Variants in F5 observed in about 807,000 individuals in gnomAD.
F5 encodes the protein activated protein c cofactor.
In F5, 138 loss-of-function variants were observed where a neutral mutation model predicts 216.4. That is an observed-to-expected ratio of 0.64 (90% CI 0.56 to 0.73). The LOEUF is 0.73. Ranked by LOEUF, F5 falls within the 30% of genes least tolerant of loss-of-function variation. The pLI is 0.00. For missense variants in F5, 2,403 were observed against 2,674.0 expected (o/e 0.90, Z 2.24); for synonymous variants, 916 against 930.7 (o/e 0.98, Z 0.29).
chr1:169,516,811 G>A (rs1659164739), intron 23 of F5, among the ~76,000 whole-genome samples: 1 of 152,146 alleles, frequency 6.6e-6, no homozygotes, highest in South Asian at 2.1e-4. Flanking sequence ...ATGGAAGGGG[G>A]TTAAGTAAAA....
chr1:169,536,889 T>A (rs890903774), intron 13 of F5, among the ~76,000 whole-genome samples: 1 of 152,088 alleles, frequency 6.6e-6, no homozygotes, highest in African/African-American at 2.4e-5. Context: ...TATAGGTAAG[T>A]CTTCCTATGA....
At chr1:169,553,285 T>G (rs751961119) in intron 7 of F5, among the ~76,000 whole-genome samples, 1 of 152,198 alleles carries the variant, frequency 6.6e-6, no homozygotes, top group Non-Finnish European at 1.5e-5. Context: ...ATAAATACTT[T>G]GGGAGCAGAA....
chr1:169,547,624 T>C (rs1328067213), intron 10 of F5, among the ~76,000 whole-genome samples: 1 of 151,662 alleles, frequency 6.6e-6, no homozygotes, highest in Non-Finnish European at 1.5e-5. Context: ...GAAATGCAAA[T>C]CAAAACCACA....
intron 3 of F5, among the ~76,000 whole-genome samples, chr1:169,570,487 G>A (rs1410675181): frequency 6.6e-6 from 1 of 152,112 alleles, no homozygotes; most frequent in Non-Finnish European, 1.5e-5. Flanking sequence ...AGAAACTCCT[G>A]TTCCCACTAC....
At chr1:169,553,812 G>C (rs542447686) in intron 7 of F5, among the ~76,000 whole-genome samples, 3 of 152,328 alleles carry the variant, frequency 2.0e-5, no homozygotes, top group South Asian at 4.1e-4. Flanking sequence ...ATGCTGGCAA[G>C]GTCATGGAGA....
In F5 at chr1:169,544,348, C is replaced by T. The variant is rs950728274; in HGVS notation, c.1923G>A (p.Leu641=). Residue 641 remains leucine (L), a synonymous_variant, in exon 12 of 25, where the codon TTG becomes TTA. Coordinates refer to ENST00000367797, the MANE Select transcript of F5 (RefSeq NM_000130.5). ...ATTCTCCACGCATGGGGAAGAGGGTCAAGGTGTCCTCATGCCTCTTTCCAT... is the reference window on the plus strand; with the variant it reads ...ATTCTCCACGCATGGGGAAGAGGGTTAAGGTGTCCTCATGCCTCTTTCCAT... ...FIYGKRHEDT[L]TLFPMRGESV... 6.2e-7 allele frequency: 1 copy of T among 1,614,112 alleles called. No individual in the cohort carries two copies. Among genetic ancestry groups the T allele is most frequent in the Non-Finnish European group, 8.5e-7 (1 of 1,179,996 alleles).
In F5 at chr1:169,540,817, C is replaced by A; in HGVS notation, c.4273G>T (p.Gly1425Cys). The change falls in exon 13 of 25, where the codon GGT becomes TGT. Residue 1425 changes from glycine (G) to cysteine (C), a missense_variant. This residue lies in a region of F5 where 293 missense variants were observed against 270.8 expected (regional missense o/e 1.08). Transcript: ENST00000367797. ...AGGTCTGGGGAAAGGGACATCTGACCAAAGTTTGGGGAAAGATCTGTCTCA... is the reference window on the plus strand; with the variant it reads ...AGGTCTGGGGAAAGGGACATCTGACAAAAGTTTGGGGAAAGATCTGTCTCA... ...LGETDLSPNFGQMSLSPDLSQ... is the reference protein window; with the variant it reads ...LGETDLSPNFCQMSLSPDLSQ... 1 of 1,612,086 alleles carries A rather than the reference C, an allele frequency of 6.2e-7. No homozygotes were observed. Among genetic ancestry groups the A allele is most frequent in the Non-Finnish European group, 8.5e-7 (1 of 1,179,282 alleles).
intron 5 of F5, among the ~76,000 whole-genome samples, chr1:169,557,371 C>A (rs1466720127): frequency 6.6e-6 from 1 of 152,056 alleles, no homozygotes; most frequent in Non-Finnish European, 1.5e-5. Context: ...CTGTAGTGGT[C>A]GAAGCTCTGC....
chr1:169,528,097 G>A lies in F5; in HGVS notation c.5420-3C>T. 6.2e-7 allele frequency: 1 copy of A among 1,613,638 alleles called. No homozygotes were observed. The highest frequency in any genetic ancestry group is 8.5e-7 in the Non-Finnish European group (1 of 1,179,722). ...GCTGTAGATCATCCCATTAATGGCTGAAAGGACAAAGAGTTGAAATCAATT... is the reference window on the plus strand; with the variant it reads ...GCTGTAGATCATCCCATTAATGGCTAAAAGGACAAAGAGTTGAAATCAATT... On this transcript the variant is annotated splice_polypyrimidine_tract_variant and splice_region_variant and intron_variant, in intron 16 of 24. Transcript: ENST00000367797.
Position 169,530,911 on chromosome 1 carries a change from T to C in F5, c.5083A>G (p.Lys1695Glu), listed in dbSNP as rs1274612002. The change falls in exon 15 of 25, where the codon AAG becomes GAG. Residue 1695 changes from lysine to glutamate, a missense_variant. Lys to Glu is a moderately conservative substitution (Grantham distance 56). This residue lies in a region of F5 where 659 missense variants were observed against 787.9 expected (regional missense o/e 0.84). Transcript: ENST00000367797. ...TYEDDSPEWF[K>E]EDNAVQPNSS... ...TTTGGCTGAACAGCATTATCTTCCT[T>C]AAACCATTCAGGAGAGTCATCTTCA... 3 of 1,613,816 alleles carry C rather than the reference T, an allele frequency of 1.9e-6. No individual in the cohort carries two copies. Among genetic ancestry groups the C allele is most frequent in the Admixed American group, 1.7e-5 (1 of 59,998 alleles).
At chr1:169,572,487 A>T in intron 2 of F5, 144 bp from the exon 3 acceptor site, 1 of 933,126 alleles carries the variant, frequency 1.1e-6, no homozygotes. Context: ...TTTTCAATCT[A>T]GAAGGTTTTA....
intron 2 of F5, among the ~76,000 whole-genome samples, chr1:169,580,749 CAT>C (rs955653044): frequency 1.3e-5 from 2 of 152,078 alleles, no homozygotes; most frequent in African/African-American, 4.8e-5. Context: ...TAAATGAACA[CAT>C]GTGAAGACTA....
intron 16 of F5, 99 bp downstream of exon 16, chr1:169,529,509 A>T: frequency 9.0e-7 from 1 of 1,105,718 alleles, no homozygotes; most frequent in Non-Finnish European, 1.4e-6. Context: ...GGTGTCTCAG[A>T]AGCATCTCAT....
Position 169,552,757 on chromosome 1 carries a change from T to A in F5, c.1119-23A>T, listed in dbSNP as rs778664983. The A allele has an allele frequency of 5.6e-5, 86 of 1,548,400 alleles. 1 individual carries two copies. The Admixed American group carries it at 7.2e-4, about 13-fold the overall frequency. ...TTTCTTAAAGTGAAGTAAAAAAAAA[T>A]TAAACCACTTTCTCAAATAGAGATC... is the stretch of plus-strand genomic sequence containing the variant. On this transcript the variant is annotated intron_variant, in intron 7 of 24. Transcript: ENST00000367797.
At position 169,560,708 on chromosome 1, in the gene F5, T is replaced by A; in HGVS notation, c.432A>T (p.Pro144=). 6.2e-7 allele frequency: 1 copy of A among 1,613,630 alleles called. No individual in the cohort carries two copies. Among genetic ancestry groups the A allele is most frequent in the Non-Finnish European group, 8.5e-7 (1 of 1,179,794 alleles). The change falls in exon 4 of 25, where the codon CCA becomes CCT. Residue 144 remains proline, a synonymous_variant. Coordinates refer to ENST00000367797, the MANE Select transcript of F5 (RefSeq NM_000130.5). ...PAEKMDDAVA[P]GREYTYEWSI... is the part of the protein sequence containing the mutation. ...TCCATTCATAGGTGTATTCTCGGCCTGGAGCCACAGCGTCGTCCATCTTCT... is the reference window on the plus strand; with the variant it reads ...TCCATTCATAGGTGTATTCTCGGCCAGGAGCCACAGCGTCGTCCATCTTCT...
chr1:169,523,656 T>C, intron 20 of F5, 145 bp downstream of exon 20: 1 of 814,970 alleles, frequency 1.2e-6, no homozygotes, highest in East Asian at 2.5e-5. Flanking sequence ...ATTTTAAGGA[T>C]ATAAAGTACT....
intron 3 of F5, among the ~76,000 whole-genome samples, chr1:169,567,191 G>T (rs189412729): frequency 2.0e-4 from 31 of 151,772 alleles, no homozygotes; most frequent in African/African-American, 7.5e-4. Flanking sequence ...TTTTATAAGG[G>T]CACTAATCTC....
Position 169,542,359 on chromosome 1 carries a change from G to A in F5, c.2731C>T (p.Pro911Ser). The change falls in exon 13 of 25, where the codon CCT becomes TCT. Residue 911 changes from proline to serine, a missense_variant. Pro to Ser is a moderately conservative substitution (Grantham distance 74). Coordinates refer to ENST00000367797, the MANE Select transcript of F5 (RefSeq NM_000130.5). ...PSGMRPWEDL[P>S]SQDTGSPSRM... ...GAAGGAGAACCAGTGTCTTGGCTAG[G>A]AAGGTCCTCCCAGGGCCTCATTCCG... 6.2e-7 allele frequency: 1 copy of A among 1,613,684 alleles called. No individual in the cohort carries two copies. Among genetic ancestry groups the A allele is most frequent in the Non-Finnish European group, 8.5e-7 (1 of 1,179,652 alleles).
chr1:169,553,697 G>A (rs1236911581), intron 7 of F5, among the ~76,000 whole-genome samples: 3 of 152,244 alleles, frequency 2.0e-5, no homozygotes, highest in Admixed American at 6.5e-5. Context: ...ACTCCAGCCT[G>A]GGCGACAGAG....
Sources: allele counts gnomAD v4.1 joint callset (sites outside exome capture counted in the v4.1 genomes callset), GRCh38; gene constraint gnomAD v4.1.1; regional missense constraint gnomAD v4.1.1; transcripts MANE v1.5; gene names NCBI Gene and HGNC (gene_info 2026-07-23, HGNC 2026-07-21).